The following RBFOX1 variants were observed in gnomAD, a reference collection of about 807,000 sequenced individuals.
RBFOX1 encodes the protein RNA binding protein fox-1 homolog 1.
Under a neutral mutation model 57.7 loss-of-function variants are expected in RBFOX1, and 8 were observed. The ratio of observed to expected loss-of-function variants is 0.14; its 90% CI spans 0.08 to 0.25. The LOEUF is 0.25. RBFOX1 is among the 10% of genes least tolerant of loss of function. The pLI is 1.00. For synonymous variants in RBFOX1, 326 were observed against 222.4 expected (o/e 1.47, Z -4.15); for missense variants, 611 against 548.5 (o/e 1.11, Z -1.14).
Position 5,411,556 on chromosome 16 carries a change from G to A in RBFOX1, c.220-55660G>A, listed in dbSNP as rs1369525736. Among the ~76,000 whole-genome samples, 6 of 152,198 alleles carry A rather than the reference G, an allele frequency of 3.9e-5. No individual in the cohort carries two copies. In the East Asian group the frequency reaches 9.6e-4, roughly 24 times the overall value. ...TGCAGTACTGTAAGATGGCAAACGT[G>A]TGTTGTTTGAAGACACTAAGTTTGT... On this transcript the variant is annotated intron_variant, in intron 1 of 2. Transcript: ENST00000585867.
intron 1 of RBFOX1, among the ~76,000 whole-genome samples, chr16:6,301,444 A>G (rs922741976): frequency 6.6e-6 from 1 of 152,198 alleles, no homozygotes; most frequent in Non-Finnish European, 1.5e-5. Flanking sequence ...TATGAAAATG[A>G]TGCTTTTCTG....
At chr16:5,505,504 G>A (rs909164461) in intron 2 of RBFOX1, among the ~76,000 whole-genome samples, 2 of 152,112 alleles carry the variant, frequency 1.3e-5, no homozygotes, top group African/African-American at 4.8e-5. Context: ...CTATGTGGGT[G>A]GGCAGAGAGT....
At chr16:5,601,668 T>C (rs1387966599), downstream of RBFOX1, 1 of 152,126 alleles carries the variant, frequency 6.6e-6, no homozygotes, top group Non-Finnish European at 1.5e-5. Flanking sequence ...ACTGAGTCTA[T>C]GGAAAGAAAA....
At chr16:7,163,216 G>A (rs940889466) in intron 4 of RBFOX1, among the ~76,000 whole-genome samples, 6 of 152,114 alleles carry the variant, frequency 3.9e-5, no homozygotes, top group African/African-American at 1.2e-4. Context: ...TTAAAGCAGG[G>A]GGAGTCTACT....
chr16:5,314,332 G>A, intron 1 of RBFOX1, among the ~76,000 whole-genome samples: 1 of 152,128 alleles, frequency 6.6e-6, no homozygotes, highest in East Asian at 1.9e-4. Context: ...TGGAGAGGGG[G>A]AGTGGTAGAC....
At chr16:6,789,585 G>C (rs1432511798) in intron 3 of RBFOX1, among the ~76,000 whole-genome samples, 1 of 152,052 alleles carries the variant, frequency 6.6e-6, no homozygotes, top group Non-Finnish European at 1.5e-5. Flanking sequence ...TAGACAGTGG[G>C]GACTGTTTGA....
At chr16:5,590,268 C>T (rs1459863936) in intron 2 of RBFOX1, among the ~76,000 whole-genome samples, 1 of 152,144 alleles carries the variant, frequency 6.6e-6, no homozygotes, top group East Asian at 1.9e-4. Flanking sequence ...AAAAACCGAG[C>T]TCACTTGCAT....
At chr16:5,672,805 A>T (rs368747394) in intron 3 of RBFOX1, among the ~76,000 whole-genome samples, 1 of 152,076 alleles carries the variant, frequency 6.6e-6, no homozygotes, top group East Asian at 1.9e-4. Context: ...TGATGGTCCT[A>T]CCTAGACCAG....
exon 3 of RBFOX1, chr16:5,599,159 G>A (rs763691747): frequency 3.1e-5 from 22 of 708,756 alleles, no homozygotes; most frequent in East Asian, 5.4e-5. Flanking sequence ...CGTATTCCCA[G>A]CCTCTGGTAC....
At chr16:6,914,902 T>C (rs1234512923) in intron 3 of RBFOX1, among the ~76,000 whole-genome samples, 1 of 152,140 alleles carries the variant, frequency 6.6e-6, no homozygotes, top group East Asian at 1.9e-4. Flanking sequence ...AAAACACAGA[T>C]GGATAGGTTT....
intron 3 of RBFOX1, among the ~76,000 whole-genome samples, chr16:6,765,610 G>A (rs1415715992): frequency 6.6e-6 from 1 of 152,144 alleles, no homozygotes. Context: ...AGAAGTAAAA[G>A]TAGGTCTACC....
intron 4 of RBFOX1, among the ~76,000 whole-genome samples, chr16:7,468,955 G>A (rs1418114314): frequency 6.6e-6 from 1 of 151,520 alleles, no homozygotes; most frequent in Non-Finnish European, 1.5e-5. Flanking sequence ...TTTTTTTGAG[G>A]CAGAGTCTCA....
intron 1 of RBFOX1, among the ~76,000 whole-genome samples, chr16:6,034,908 C>G (rs377234983): frequency 6.7e-6 from 1 of 149,758 alleles, no homozygotes; most frequent in Non-Finnish European, 1.5e-5. Flanking sequence ...AGGAGTCACA[C>G]TCAGGGCCTC....
intron 3 of RBFOX1, among the ~76,000 whole-genome samples, chr16:6,790,169 CTATTATTAT>C (rs71145294): frequency 2.8e-5 from 4 of 141,544 alleles, no homozygotes; most frequent in South Asian, 2.2e-4. Flanking sequence ...TTATTTTATT[CTATTATTAT>C]TATTATTATT....
intron 5 of RBFOX1, among the ~76,000 whole-genome samples, chr16:7,555,879 C>CTCTG (rs1239626088): frequency 6.6e-6 from 1 of 152,144 alleles, no homozygotes; most frequent in Non-Finnish European, 1.5e-5. Flanking sequence ...TTCCAACATG[C>CTCTG]TCTGCAATGC....
At chr16:7,308,330 GA>G (rs2096240956) in intron 4 of RBFOX1, among the ~76,000 whole-genome samples, 1 of 140,836 alleles carries the variant, frequency 7.1e-6, no homozygotes, top group African/African-American at 2.6e-5. Context: ...TTAATGTCCT[GA>G]AAGAGGATCA....
At chr16:6,790,676 G>T (rs551361545) in intron 3 of RBFOX1, among the ~76,000 whole-genome samples, 1 of 152,046 alleles carries the variant, frequency 6.6e-6, no homozygotes, top group Non-Finnish European at 1.5e-5. Flanking sequence ...ATTTTCACTT[G>T]TATGGTGGAT....
rs117262659 is a variant in RBFOX1, at chr16:6,642,298, A to G, written c.-63-12305A>G. 1.7e-3 allele frequency among the ~76,000 whole-genome samples: 259 copies of G among 152,298 alleles called. 3 individuals are homozygous for G. In the East Asian group the frequency reaches 0.032, roughly 19 times the overall value. ...AAAATTATTCACCTCATGTGAAAAC[A>G]AGTGCGATTTACATCTAATGTGGGT... On this transcript the variant is annotated intron_variant, in intron 2 of 15. Transcript: ENST00000550418.
chr16:5,432,818 C>T (rs1026811066), intron 1 of RBFOX1, among the ~76,000 whole-genome samples: 4 of 151,888 alleles, frequency 2.6e-5, no homozygotes, highest in Admixed American at 1.3e-4. Context: ...CAGGGTCTTA[C>T]TCTGTCTCCT....
Sources: gnomAD v4.1 joint callset for allele counts (sites outside exome capture counted in the v4.1 genomes callset) on GRCh38, gnomAD v4.1.1 for gene constraint, MANE v1.5 for transcripts, NCBI Gene and HGNC (gene_info 2026-07-23, HGNC 2026-07-21) for gene names.